Variants in LIMCH1 observed in about 807,000 individuals in gnomAD.
LIMCH1 encodes LIM and calponin homology domains-containing protein 1.
A neutral mutation model predicts 176.5 loss-of-function variants in LIMCH1; 113 were observed. The ratio of observed to expected loss-of-function variants is 0.64; its 90% CI spans 0.55 to 0.75. The LOEUF is 0.75. LIMCH1 is among the 30% of genes least tolerant of loss of function. LIMCH1 has a pLI of 0.00. For missense variants in LIMCH1, 1,674 were observed against 1,814.9 expected (o/e 0.92, Z 1.41); for synonymous variants, 619 against 645.9 (o/e 0.96, Z 0.63).
intron 14 of LIMCH1, among the ~76,000 whole-genome samples, chr4:41,642,586 T>A (rs2093872194): frequency 6.6e-6 from 1 of 151,952 alleles, no homozygotes; most frequent in East Asian, 1.9e-4. Flanking sequence ...TGAGATAGAG[T>A]CTCGCTCTGT....
intron 1 of LIMCH1, among the ~76,000 whole-genome samples, chr4:41,491,733 C>T (rs910327796): frequency 1.3e-4 from 18 of 139,998 alleles, no homozygotes; most frequent in South Asian, 2.3e-4. Context: ...CAGATGGGGG[C>T]GGCCAGGCAG....
At chr4:41,613,723 C>T (rs1386316600) in intron 5 of LIMCH1, 62 bp downstream of exon 5, 74 of 1,450,160 alleles carry the variant, frequency 5.1e-5, no homozygotes, top group Non-Finnish European at 6.1e-5. Context: ...GGCTGCATTG[C>T]GCCTGGCAGA....
chr4:41,646,946 G>A, intron 17 of LIMCH1, 53 bp downstream of exon 17: 1 of 1,467,846 alleles, frequency 6.8e-7, no homozygotes, highest in Non-Finnish European at 9.4e-7. Context: ...GGGAGTGGAT[G>A]GAAAGAAGCA....
intron 1 of LIMCH1, among the ~76,000 whole-genome samples, chr4:41,377,823 C>T (rs1325691637): frequency 6.6e-6 from 1 of 152,112 alleles, no homozygotes; most frequent in Non-Finnish European, 1.5e-5. Context: ...TGGTAAGAGA[C>T]CCACTCTTGT....
chr4:41,381,488 C>T (rs1009477033), intron 1 of LIMCH1, among the ~76,000 whole-genome samples: 1 of 152,158 alleles, frequency 6.6e-6, no homozygotes, highest in African/African-American at 2.4e-5. Context: ...GTTGGCTATA[C>T]CAGTTTTCCA....
At position 41,524,424 on chromosome 4, in the gene LIMCH1, AAAGCCAG is replaced by A; in HGVS notation, c.184_190del (p.Lys62AspfsTer23). On this transcript the variant is annotated frameshift_variant, in exon 3 of 27. Transcript: ENST00000313860. LOFTEE classifies it high-confidence loss of function. ...TTCATGACAGGTTGCTGAATGCTAT[AAAGCCAG>A]GACTTGTTAAAAAGATCAATAGATT... is the stretch of plus-strand genomic sequence containing the variant. The A allele has an allele frequency of 6.2e-7, 1 of 1,613,902 alleles. No homozygotes were observed. The highest frequency in any genetic ancestry group is 2.2e-5 in the East Asian group (1 of 44,864).
chr4:41,682,503 G>C, intron 26 of LIMCH1, 43 bp downstream of exon 26: 2 of 1,595,408 alleles, frequency 1.3e-6, no homozygotes, highest in Non-Finnish European at 1.7e-6. Flanking sequence ...TACAAAGCTG[G>C]GCTCTGCTCG....
intron 1 of LIMCH1, among the ~76,000 whole-genome samples, chr4:41,427,923 C>A (rs923758463): frequency 7.0e-6 from 1 of 142,252 alleles, no homozygotes; most frequent in Non-Finnish European, 1.5e-5. Context: ...TGTTTACCTA[C>A]AAAATGGTGC....
intron 7 of LIMCH1, among the ~76,000 whole-genome samples, chr4:41,624,712 T>C (rs1018983584): frequency 1.3e-5 from 2 of 152,038 alleles, no homozygotes; most frequent in African/African-American, 4.8e-5. Context: ...TAGCTACCAA[T>C]CTGACCTGGT....
At chr4:41,372,428 A>G (rs2054116561) in intron 1 of LIMCH1, among the ~76,000 whole-genome samples, 1 of 152,124 alleles carries the variant, frequency 6.6e-6, no homozygotes, top group East Asian at 1.9e-4. Context: ...TTAGTTTGGG[A>G]CATTATTCAT....
At chr4:41,367,512 G>A (rs935190616) in intron 1 of LIMCH1, among the ~76,000 whole-genome samples, 1 of 151,910 alleles carries the variant, frequency 6.6e-6, no homozygotes, top group Non-Finnish European at 1.5e-5. Flanking sequence ...TAGCCCATTA[G>A]GAGGCCATGG....
intron 1 of LIMCH1, among the ~76,000 whole-genome samples, chr4:41,422,023 C>T (rs1416910341): frequency 6.6e-6 from 1 of 151,920 alleles, no homozygotes; most frequent in Non-Finnish European, 1.5e-5. Context: ...GCAAAGGTTG[C>T]AGTGAGCTGG....
chr4:41,471,063 A>C (rs915130674), intron 1 of LIMCH1, among the ~76,000 whole-genome samples: 1 of 149,220 alleles, frequency 6.7e-6, no homozygotes, highest in Non-Finnish European at 1.5e-5. Context: ...ATGGAAGACT[A>C]ATCATGTCTA....
chr4:41,400,633 A>G (rs1289678833), intron 1 of LIMCH1, among the ~76,000 whole-genome samples: 1 of 152,188 alleles, frequency 6.6e-6, no homozygotes, highest in Admixed American at 6.5e-5. Context: ...ATTATGCGGT[A>G]ATGCCAAGGG....
intron 17 of LIMCH1, among the ~76,000 whole-genome samples, chr4:41,649,786 A>G (rs571379495): frequency 6.6e-6 from 1 of 152,354 alleles, no homozygotes; most frequent in South Asian, 2.1e-4. Context: ...ATGTGAGTGC[A>G]AAACAAAAAT....
intron 27 of LIMCH1, among the ~76,000 whole-genome samples, chr4:41,684,875 C>T (rs1719365902): frequency 6.6e-6 from 1 of 152,126 alleles, no homozygotes; most frequent in Non-Finnish European, 1.5e-5. Flanking sequence ...ATCCCCAAAG[C>T]CGGGTGAGAT....
chr4:41,472,489 G>A (rs2067123037), intron 1 of LIMCH1, among the ~76,000 whole-genome samples: 1 of 151,678 alleles, frequency 6.6e-6, no homozygotes, highest in Non-Finnish European at 1.5e-5. Context: ...GTGCCATCAC[G>A]GCTCACTGCA....
At chr4:41,555,853 C>T (rs2081173385) in intron 1 of LIMCH1, among the ~76,000 whole-genome samples, 1 of 152,124 alleles carries the variant, frequency 6.6e-6, no homozygotes, top group South Asian at 2.1e-4. Context: ...GTGAATCCTC[C>T]TAATCTGTTT....
chr4:41,361,867 G>A (rs2052134314), intron 1 of LIMCH1, among the ~76,000 whole-genome samples: 1 of 152,160 alleles, frequency 6.6e-6, no homozygotes, highest in Admixed American at 6.5e-5. Context: ...GCTTCAATGG[G>A]TGGCCTTTCT....
Sources: allele counts gnomAD v4.1 joint callset (sites outside exome capture counted in the v4.1 genomes callset), GRCh38; gene constraint gnomAD v4.1.1; transcripts MANE v1.5; gene names NCBI Gene and HGNC (gene_info 2026-07-23, HGNC 2026-07-21).